The following BCLAF3 variants were observed in gnomAD, a reference collection of about 807,000 sequenced individuals.
The protein encoded by BCLAF3 is BCLAF1 and THRAP3 family member 3.
In BCLAF3, 24 loss-of-function variants were observed where a neutral mutation model predicts 51.2. The observed-to-expected ratio is 0.47, with a 90% CI of 0.34 to 0.66. The LOEUF is 0.66. BCLAF3 is among the 30% of genes least tolerant of loss of function. The probability of loss-of-function intolerance (pLI) is 0.01; values close to 1 mark genes in which losing one functional copy is unlikely to be tolerated. For synonymous variants in BCLAF3, 152 were observed against 176.6 expected (o/e 0.86, Z 1.10); for missense variants, 465 against 525.1 (o/e 0.89, Z 1.12).
At chrX:19,977,886 G>C (rs112333816) in intron 1 of BCLAF3, among the ~76,000 whole-genome samples, 4,559 of 110,580 alleles carry the variant, frequency 0.041, 159 homozygotes, top group African/African-American at 0.11. Flanking sequence ...AAATTCCTGG[G>C]GCCCTTAAGA....
intron 8 of BCLAF3, among the ~76,000 whole-genome samples, chrX:19,946,407 T>A (rs1451928180): frequency 4.5e-5 from 5 of 111,873 alleles, no homozygotes; most frequent in Non-Finnish European, 7.5e-5. Flanking sequence ...AGGAAGAAGA[T>A]CTAAGCAGCC....
In BCLAF3 at chrX:19,987,215, T is replaced by C. The variant is rs115638208; in HGVS notation, c.-35+3693A>G. The stretch of plus-strand genomic sequence containing the variant: ...TAAGTCCAATTAGTTCAATGTTTCC[T>C]TTGATTCCTTAACATTAACTCCAAA... On this transcript the variant is annotated intron_variant, in intron 1 of 11. Transcript: ENST00000379682. Among the ~76,000 whole-genome samples, 623 of 112,017 alleles carry C rather than the reference T, an allele frequency of 5.6e-3. 5 individuals are homozygous for C. Among genetic ancestry groups the C allele is most frequent in the African/African-American group, 0.019 (588 of 30,834 alleles).
intron 1 of BCLAF3, among the ~76,000 whole-genome samples, chrX:19,984,215 CATATAA>C (rs2072722822): frequency 9.1e-6 from 1 of 109,343 alleles, no homozygotes; most frequent in South Asian, 3.9e-4. Flanking sequence ...GAAGATATAA[CATATAA>C]ATATATGTAT....
At chrX:19,940,678 C>A (rs377066835) in intron 8 of BCLAF3, among the ~76,000 whole-genome samples, 1 of 108,411 alleles carries the variant, frequency 9.2e-6, no homozygotes, top group Non-Finnish European at 1.9e-5. Flanking sequence ...CATTGTTGGA[C>A]ATTTGGGTTG....
rs2071993829 is a variant in BCLAF3, at chrX:19,964,915, G to A, written c.1274+129C>T. 5 of 536,944 alleles carry A rather than the reference G, an allele frequency of 9.3e-6. 1 individual carries two copies. The South Asian group carries it at 2.0e-4, about 22-fold the overall frequency. The allele number at this position is 536,944 out of a possible 1,213,427, so 44.3% of individuals were successfully genotyped here. Reference sequence around the variant, plus strand: ...CCTCACTACAGGGCTTTTTTTTTGGGGGGGAAAATTCTTGGCAATCCCTCC... The same window carrying A: ...CCTCACTACAGGGCTTTTTTTTTGGAGGGGAAAATTCTTGGCAATCCCTCC... On this transcript the variant is annotated intron_variant, in intron 4 of 11. Transcript: ENST00000379682.
intron 4 of BCLAF3, among the ~76,000 whole-genome samples, chrX:19,962,433 C>T (rs1244205150): frequency 8.9e-6 from 1 of 112,022 alleles, no homozygotes; most frequent in Non-Finnish European, 1.9e-5. Flanking sequence ...TAGCCTGCCC[C>T]GGCCTCCCAC....
In BCLAF3 at chrX:19,914,778, C is replaced by T. The variant is rs934064095; in HGVS notation, c.*2527G>A. On this transcript the variant is annotated 3_prime_UTR_variant, in exon 12 of 12. Transcript: ENST00000379682. ...ATCCCGCGTACAATTTACCCAGTTT[C>T]CCCCAATGCATCAATTTTTAAAACC... The T allele has an allele frequency of 9.0e-6, 1 of 111,726 alleles. No homozygotes were observed. Among genetic ancestry groups the T allele is most frequent in the African/African-American group, 3.3e-5 (1 of 30,762 alleles). The allele number at this position is 111,726 out of a possible 1,213,427, so 9.2% of individuals were successfully genotyped here. A position where few individuals can be genotyped will look rare whatever the true frequency, so the allele number is the denominator to read the frequency against.
At chrX:19,944,066 A>G (rs2071156004) in intron 8 of BCLAF3, among the ~76,000 whole-genome samples, 1 of 57,434 alleles carries the variant, frequency 1.7e-5, no homozygotes, top group Non-Finnish European at 3.0e-5. Context: ...GTTGGTTTAA[A>G]GTCTGTTTTA....
chrX:19,987,993 C>A (rs769148412), intron 1 of BCLAF3, among the ~76,000 whole-genome samples: 35 of 112,200 alleles, frequency 3.1e-4, no homozygotes, highest in Non-Finnish European at 6.0e-4. Flanking sequence ...AGAAAGATGA[C>A]CCTGTGGAGG....
At chrX:19,960,997 T>A (rs966362270) in intron 4 of BCLAF3, among the ~76,000 whole-genome samples, 3 of 111,335 alleles carry the variant, frequency 2.7e-5, no homozygotes, top group African/African-American at 9.8e-5. Flanking sequence ...ATCAAAGGAG[T>A]CTCTGATCCA....
chrX:19,945,036 T>C (rs1238369811), intron 8 of BCLAF3, among the ~76,000 whole-genome samples: 6 of 107,670 alleles, frequency 5.6e-5, no homozygotes, highest in Admixed American at 1.0e-4. Context: ...CATCTTCCAT[T>C]GCTGATACCC....
chrX:19,952,326 G>A (rs1220415444), intron 7 of BCLAF3, among the ~76,000 whole-genome samples: 1 of 110,272 alleles, frequency 9.1e-6, no homozygotes, highest in East Asian at 2.8e-4. Flanking sequence ...CCTCTACAAA[G>A]ACTCTTTATC....
chrX:19,969,080 T>A (rs894829906), intron 2 of BCLAF3, among the ~76,000 whole-genome samples: 4 of 111,329 alleles, frequency 3.6e-5, no homozygotes, highest in Non-Finnish European at 7.6e-5. Context: ...GCCATTGCAC[T>A]CCAGCCTGGG....
chrX:19,937,556 A>C, intron 8 of BCLAF3, 24 bp from the exon 9 acceptor site: 8 of 832,701 alleles, frequency 9.6e-6, no homozygotes, highest in Non-Finnish European at 1.4e-5. Context: ...AGAGAAAATA[A>C]GAATATTTTA....
intron 6 of BCLAF3, among the ~76,000 whole-genome samples, chrX:19,953,564 C>T (rs1007007733): frequency 1.8e-5 from 2 of 112,072 alleles, no homozygotes; most frequent in Non-Finnish European, 3.8e-5. Context: ...ATTTAAACAA[C>T]GCTAGTCAAT....
At chrX:19,939,739 T>C (rs1484883682) in intron 8 of BCLAF3, among the ~76,000 whole-genome samples, 4 of 112,308 alleles carry the variant, frequency 3.6e-5, no homozygotes, top group Non-Finnish European at 5.6e-5. Flanking sequence ...TAAAAGAGAA[T>C]GAATTTTTTA....
At chrX:19,934,124 T>C (rs2070670615) in intron 10 of BCLAF3, among the ~76,000 whole-genome samples, 1 of 112,217 alleles carries the variant, frequency 8.9e-6, no homozygotes, top group Admixed American at 9.5e-5. Flanking sequence ...ACTATTTTAC[T>C]ACAAAGAATT....
chrX:19,946,712 T>A (rs2071315331), intron 8 of BCLAF3, among the ~76,000 whole-genome samples: 1 of 111,851 alleles, frequency 8.9e-6, no homozygotes, highest in Non-Finnish European at 1.9e-5. Flanking sequence ...TTTACCACCC[T>A]GTCACAACCC....
At chrX:19,957,219 C>T (rs921008987) in intron 4 of BCLAF3, among the ~76,000 whole-genome samples, 7 of 111,419 alleles carry the variant, frequency 6.3e-5, no homozygotes, top group Middle Eastern at 4.7e-3. Flanking sequence ...AAAGAAGGCC[C>T]ATTTCCCTTC....
Sources: gnomAD v4.1 joint callset for allele counts (sites outside exome capture counted in the v4.1 genomes callset) on GRCh38, gnomAD v4.1.1 for gene constraint, MANE v1.5 for transcripts, NCBI Gene and HGNC (gene_info 2026-07-23, HGNC 2026-07-21) for gene names.